ADAM12: variants seen among roughly 807,000 people sequenced by gnomAD.
ADAM12 encodes the protein ADAM metallopeptidase domain 12, also known as disintegrin and metalloproteinase domain-containing protein 12.
In ADAM12, 70 loss-of-function variants were observed where a neutral mutation model predicts 106.4. That is an observed-to-expected ratio of 0.66 (90% CI 0.54 to 0.80). ADAM12 has a LOEUF of 0.80. ADAM12 is among the 30% of genes least tolerant of loss of function. The pLI is 0.00. For missense variants in ADAM12, 1,010 were observed against 1,171.9 expected (o/e 0.86, Z 2.02); for synonymous variants, 420 against 433.5 (o/e 0.97, Z 0.39).
chr10:126,044,253 T>C (rs1331795856), intron 17 of ADAM12, among the ~76,000 whole-genome samples: 1 of 151,218 alleles, frequency 6.6e-6, no homozygotes, highest in African/African-American at 2.4e-5. Flanking sequence ...CTAGCCAACG[T>C]GGTGAAACCC....
At chr10:126,387,971 G>A in intron 1 of ADAM12, 87 bp downstream of exon 1, 5 of 1,175,874 alleles carry the variant, frequency 4.3e-6, no homozygotes, top group Non-Finnish European at 3.2e-6. Context: ...CGCCCCTCGG[G>A]GCAGCCCTGG....
At chr10:126,239,010 G>C (rs948061794) in intron 3 of ADAM12, among the ~76,000 whole-genome samples, 1 of 152,214 alleles carries the variant, frequency 6.6e-6, no homozygotes, top group African/African-American at 2.4e-5. Context: ...TAGGCCTCAG[G>C]TTCTATGAGT....
chr10:126,234,756 G>A (rs1328472234), intron 3 of ADAM12, among the ~76,000 whole-genome samples: 6 of 152,282 alleles, frequency 3.9e-5, no homozygotes, highest in South Asian at 4.1e-4. Flanking sequence ...CCAGTGATCC[G>A]GAAAACAGGA....
At chr10:126,203,960 GT>G (rs1565136353) in intron 3 of ADAM12, among the ~76,000 whole-genome samples, 1 of 152,090 alleles carries the variant, frequency 6.6e-6, no homozygotes, top group African/African-American at 2.4e-5. Flanking sequence ...GTGTGTGTGT[GT>G]GAACCAAACT....
At chr10:126,185,474 TA>T (rs1387989393) in intron 3 of ADAM12, among the ~76,000 whole-genome samples, 1 of 128,168 alleles carries the variant, frequency 7.8e-6, no homozygotes, top group African/African-American at 4.0e-5. Flanking sequence ...TGATTTCTGT[TA>T]ACATCTGTTT....
chr10:126,166,882 A>G (rs753725046), intron 3 of ADAM12, among the ~76,000 whole-genome samples: 1 of 152,210 alleles, frequency 6.6e-6, no homozygotes, highest in African/African-American at 2.4e-5. Flanking sequence ...CCTCAGATAC[A>G]GGGGAAAAGT....
chr10:126,321,237 C>T (rs922679948), intron 2 of ADAM12, among the ~76,000 whole-genome samples: 1 of 152,118 alleles, frequency 6.6e-6, no homozygotes, highest in Non-Finnish European at 1.5e-5. Flanking sequence ...CAATTTCTGT[C>T]TCAAGAAGGT....
chr10:126,368,098 C>T (rs932394589), intron 1 of ADAM12, among the ~76,000 whole-genome samples: 6 of 151,540 alleles, frequency 4.0e-5, no homozygotes, highest in East Asian at 1.9e-4. Flanking sequence ...TATATATAAA[C>T]GTGTGCATAT....
intron 3 of ADAM12, among the ~76,000 whole-genome samples, chr10:126,232,718 A>C (rs1958336123): frequency 6.6e-6 from 1 of 152,232 alleles, no homozygotes; most frequent in Admixed American, 6.5e-5. Context: ...CAGCTGGCAC[A>C]TGTGCAGCAA....
intron 2 of ADAM12, among the ~76,000 whole-genome samples, chr10:126,323,240 T>C (rs117602777): frequency 6.6e-6 from 1 of 152,214 alleles, no homozygotes; most frequent in African/African-American, 2.4e-5. Context: ...TCAGCCAAGC[T>C]GGAGGTGCTA....
intron 11 of ADAM12, among the ~76,000 whole-genome samples, chr10:126,083,676 G>A (rs537126198): frequency 1.3e-5 from 2 of 152,350 alleles, no homozygotes; most frequent in African/African-American, 2.4e-5. Flanking sequence ...CACCTGAGGA[G>A]GGCTGCAAGC....
At chr10:126,365,547 C>G (rs1310460037) in intron 1 of ADAM12, among the ~76,000 whole-genome samples, 3 of 152,068 alleles carry the variant, frequency 2.0e-5, no homozygotes, top group Non-Finnish European at 4.4e-5. Context: ...GGGAAGGCCT[C>G]AGGAAACTTG....
At chr10:126,100,935 G>A in intron 9 of ADAM12, 137 bp downstream of exon 9, 1 of 871,018 alleles carries the variant, frequency 1.1e-6, no homozygotes, top group East Asian at 2.6e-5. Flanking sequence ...CCCCCCTGGT[G>A]TGAGCTGAGA....
At chr10:126,106,558 T>C in intron 8 of ADAM12, among the ~76,000 whole-genome samples, 1 of 149,996 alleles carries the variant, frequency 6.7e-6, no homozygotes, top group East Asian at 2.0e-4. Flanking sequence ...TGATCTCGGC[T>C]CACTGCAACC....
At chr10:126,108,117 T>C (rs894127959) in intron 8 of ADAM12, among the ~76,000 whole-genome samples, 1 of 152,202 alleles carries the variant, frequency 6.6e-6, no homozygotes, top group Non-Finnish European at 1.5e-5. Flanking sequence ...AGTCAACTTC[T>C]GTGTTCCAGG....
At chr10:126,382,148 G>A (rs2133937224) in intron 1 of ADAM12, among the ~76,000 whole-genome samples, 1 of 150,966 alleles carries the variant, frequency 6.6e-6, no homozygotes, top group South Asian at 2.1e-4. Flanking sequence ...CCCTGGAAAG[G>A]TTTGGGAACA....
intron 2 of ADAM12, among the ~76,000 whole-genome samples, chr10:126,327,134 C>T (rs1020284374): frequency 6.6e-6 from 1 of 152,124 alleles, no homozygotes; most frequent in Non-Finnish European, 1.5e-5. Flanking sequence ...AGTCAGAGCC[C>T]CGGAGCCATG....
intron 5 of ADAM12, among the ~76,000 whole-genome samples, chr10:126,133,654 G>A (rs186225640): frequency 6.6e-6 from 1 of 151,046 alleles, no homozygotes; most frequent in African/African-American, 2.5e-5. Flanking sequence ...ACCCATCACT[G>A]GGGGGGAGGC....
chr10:126,060,669 A>G (rs1017403560), intron 14 of ADAM12, among the ~76,000 whole-genome samples: 1 of 152,238 alleles, frequency 6.6e-6, no homozygotes, highest in Non-Finnish European at 1.5e-5. Flanking sequence ...AATGTTCTCA[A>G]TGGTATATCT....
Sources: allele counts gnomAD v4.1 joint callset (sites outside exome capture counted in the v4.1 genomes callset), GRCh38; gene constraint gnomAD v4.1.1; transcripts MANE v1.5; gene names NCBI Gene and HGNC (gene_info 2026-07-23, HGNC 2026-07-21).